CDH18: variants seen among roughly 807,000 people sequenced by gnomAD.
CDH18 encodes cadherin-18.
A neutral mutation model predicts 67.9 loss-of-function variants in CDH18; 31 were observed. That is an observed-to-expected ratio of 0.46 (90% CI 0.34 to 0.62). CDH18 has a LOEUF of 0.62. Ranked by LOEUF, CDH18 falls within the 20% of genes least tolerant of loss-of-function variation. The pLI is 0.01. For synonymous variants in CDH18, 362 were observed against 347.2 expected, an observed-to-expected ratio of 1.04 and a Z score of -0.48; for missense variants, 890 against 975.5, an observed-to-expected ratio of 0.91 and a Z score of 1.17.
intron 1 of CDH18, among the ~76,000 whole-genome samples, chr5:20,524,555 T>C (rs1755931302): frequency 6.6e-6 from 1 of 152,182 alleles, no homozygotes; most frequent in African/African-American, 2.4e-5. Flanking sequence ...TGTTTAAGGT[T>C]ATTGTTAAAT....
intron 1 of CDH18, among the ~76,000 whole-genome samples, chr5:20,496,732 A>G (rs1022493354): frequency 6.6e-6 from 1 of 152,126 alleles, no homozygotes; most frequent in African/African-American, 2.4e-5. Context: ...CATTTATTTC[A>G]TAAAGGATAA....
intron 2 of CDH18, among the ~76,000 whole-genome samples, chr5:20,185,853 C>T (rs1271683841): frequency 1.7e-5 from 2 of 116,374 alleles, no homozygotes; most frequent in African/African-American, 7.3e-5. Flanking sequence ...CATGCTAGTA[C>T]TAAATTTATC....
chr5:20,207,760 C>A (rs1345558153), intron 2 of CDH18, among the ~76,000 whole-genome samples: 1 of 151,812 alleles, frequency 6.6e-6, no homozygotes, highest in Non-Finnish European at 1.5e-5. Flanking sequence ...CATATCAATA[C>A]CTAAAGCAAT....
At chr5:20,400,609 A>AC (rs35422119) in intron 1 of CDH18, among the ~76,000 whole-genome samples, 3 of 150,804 alleles carry the variant, frequency 2.0e-5, no homozygotes, top group South Asian at 4.2e-4. Context: ...AAAAAAAAAA[A>AC]CCAGCGAGGT....
intron 1 of CDH18, among the ~76,000 whole-genome samples, chr5:20,515,592 G>A (rs939254869): frequency 1.1e-4 from 16 of 151,992 alleles, no homozygotes; most frequent in East Asian, 1.9e-4. Context: ...TTAACAGCTC[G>A]TTATTCTAAA....
intron 3 of CDH18, among the ~76,000 whole-genome samples, chr5:19,779,621 G>A (rs1453654884): frequency 1.3e-5 from 2 of 152,060 alleles, no homozygotes; most frequent in Non-Finnish European, 1.5e-5. Flanking sequence ...TTCAGAATTC[G>A]CCACAGTTTT....
intron 5 of CDH18, among the ~76,000 whole-genome samples, chr5:19,617,888 T>G (rs933542453): frequency 1.3e-5 from 2 of 152,324 alleles, no homozygotes; most frequent in East Asian, 3.9e-4. Flanking sequence ...CATTACTTGT[T>G]GAGCTTGAGT....
rs570969701 is a variant in CDH18, at chr5:19,778,605, G to T, written c.229-31369C>A. Among the ~76,000 whole-genome samples the T allele has an allele frequency of 9.1e-4, 138 of 152,126 alleles. 1 individual carries two copies. Among genetic ancestry groups the T allele is most frequent in the African/African-American group, 3.3e-3 (136 of 41,488 alleles). ...AGACCTACTACATAAATAATCTCTG[G>T]TTTTCCTCTTTACCAGCCTTAAAAC... On this transcript the variant is annotated intron_variant, in intron 3 of 12. Transcript: ENST00000382275.
At chr5:20,349,617 A>C (rs190475482) in intron 1 of CDH18, among the ~76,000 whole-genome samples, 1 of 152,162 alleles carries the variant, frequency 6.6e-6, no homozygotes, top group South Asian at 2.1e-4. Context: ...ATATAATATC[A>C]GTATATCAAG....
In CDH18 at chr5:19,786,671, T is replaced by A. The variant is rs958032263; in HGVS notation, c.229-39435A>T. Among the ~76,000 whole-genome samples, 25 of 152,208 alleles carry A rather than the reference T, an allele frequency of 1.6e-4. 1 individual carries two copies. Among genetic ancestry groups the A allele is most frequent in the Non-Finnish European group, 7.3e-5 (5 of 68,038 alleles). ...ATATATTTGAACTCTAATTCTTCCA[T>A]GTCCTCACCACACTCTTCATTGACC... On this transcript the variant is annotated intron_variant, in intron 3 of 12. Transcript: ENST00000382275.
At chr5:19,679,528 A>G (rs535058158) in intron 5 of CDH18, among the ~76,000 whole-genome samples, 42 of 152,146 alleles carry the variant, frequency 2.8e-4, no homozygotes, top group South Asian at 6.2e-4. Flanking sequence ...CTCTTTGCAG[A>G]TGATATGATT....
rs142603663 is a variant in CDH18, at chr5:20,367,538, A to G, written c.-579-112033T>C. ...ATTAATATTTGCGTTGTAGTTTTTCAGTAGATAATTTTCTGTGTACAATAT... is the reference window on the plus strand; with the variant it reads ...ATTAATATTTGCGTTGTAGTTTTTCGGTAGATAATTTTCTGTGTACAATAT... On this transcript the variant is annotated intron_variant, in intron 1 of 14. Transcript: ENST00000507958. 6.0e-4 allele frequency among the ~76,000 whole-genome samples: 91 copies of G among 152,326 alleles called. 2 individuals carry two copies. In the East Asian group the frequency reaches 0.016, roughly 27 times the overall value.
At chr5:19,586,991 C>G (rs1329612380) in intron 7 of CDH18, among the ~76,000 whole-genome samples, 1 of 151,906 alleles carries the variant, frequency 6.6e-6, no homozygotes, top group African/African-American at 2.4e-5. Flanking sequence ...TGTTTGTTGA[C>G]TGCATAAATG....
At chr5:19,699,903 G>A (rs2150470184) in intron 5 of CDH18, among the ~76,000 whole-genome samples, 1 of 152,150 alleles carries the variant, frequency 6.6e-6, no homozygotes, top group East Asian at 1.9e-4. Context: ...CTATTAAGGT[G>A]ACAGTTGCAC....
chr5:20,064,588 T>G (rs1344817676), intron 2 of CDH18, among the ~76,000 whole-genome samples: 1 of 152,172 alleles, frequency 6.6e-6, no homozygotes, highest in Non-Finnish European at 1.5e-5. Flanking sequence ...TTATAAGTTT[T>G]GTTGTTGGAC....
intron 2 of CDH18, among the ~76,000 whole-genome samples, chr5:19,957,696 G>T (rs1424094334): frequency 6.6e-6 from 1 of 151,872 alleles, no homozygotes; most frequent in African/African-American, 2.4e-5. Flanking sequence ...TTATTTAAGA[G>T]TAGACATTGG....
chr5:19,724,928 C>CTT (rs34393612), intron 4 of CDH18, among the ~76,000 whole-genome samples: 26 of 122,380 alleles, frequency 2.1e-4, no homozygotes, highest in African/African-American at 6.3e-4. Context: ...ATATTAAGGC[C>CTT]TTTTTTTTTT....
chr5:20,382,548 A>C (rs10941711), intron 1 of CDH18, among the ~76,000 whole-genome samples: 67,152 of 151,910 alleles, frequency 0.44, 17,135 homozygotes, highest in Middle Eastern at 0.68. Context: ...CCAATATGAC[A>C]GCATTGTATG....
chr5:19,537,725 T>C (rs1357582861), intron 9 of CDH18, among the ~76,000 whole-genome samples: 2 of 150,786 alleles, frequency 1.3e-5, no homozygotes, highest in Non-Finnish European at 3.0e-5. Context: ...TAATTTTCCA[T>C]AATGCAATTA....
Sources: allele counts gnomAD v4.1 joint callset (sites outside exome capture counted in the v4.1 genomes callset), GRCh38; gene constraint gnomAD v4.1.1; transcripts MANE v1.5; gene names NCBI Gene and HGNC (gene_info 2026-07-23, HGNC 2026-07-21).